ANK2: variants seen among roughly 807,000 people sequenced by gnomAD.
ANK2 encodes ankyrin 2.
Under a neutral mutation model 360.5 loss-of-function variants are expected in ANK2, and 83 were observed. The observed-to-expected ratio is 0.23, with a 90% CI of 0.19 to 0.28. The LOEUF (loss-of-function observed/expected upper bound fraction) is 0.28. Ranked by LOEUF, ANK2 falls within the 10% of genes least tolerant of loss-of-function variation. The pLI, the probability that ANK2 is intolerant of heterozygous loss-of-function variation, is 1.00. For missense variants in ANK2, 4,201 were observed against 4,795.7 expected (o/e 0.88, Z 3.66); for synonymous variants, 1,740 against 1,759.5 (o/e 0.99, Z 0.28).
intron 4 of ANK2, among the ~76,000 whole-genome samples, chr4:113,226,151 T>C (rs1322468476): frequency 2.0e-5 from 3 of 152,320 alleles, no homozygotes; most frequent in East Asian, 3.9e-4. Context: ...TTTCCACTCT[T>C]CTGGACTATA....
the ANK2 span, among the ~76,000 whole-genome samples, chr4:112,770,375 A>G: frequency 6.6e-6 from 1 of 152,164 alleles, no homozygotes; most frequent in Non-Finnish European, 1.5e-5. Flanking sequence ...TTAAATCACC[A>G]TTCACTACCT....
chr4:112,848,035 A>T, intron 1 of ANK2, among the ~76,000 whole-genome samples: 1 of 152,200 alleles, frequency 6.6e-6, no homozygotes, highest in Non-Finnish European at 1.5e-5. Flanking sequence ...CACCTGAAAG[A>T]GCATGCGATT....
In ANK2 at chr4:113,382,565, T is replaced by C. The variant is rs1360571589; in HGVS notation, c.*1094T>C. On this transcript the variant is annotated 3_prime_UTR_variant, in exon 46 of 46. Coordinates refer to ENST00000357077, the MANE Select transcript of ANK2 (RefSeq NM_001148.6). ...GGCCACTGCACTGTAGATAATTCAT[T>C]GGAAACAAGATTTACCCACTACATA... 6.6e-6 allele frequency: 1 copy of C among 152,666 alleles called. No homozygotes were observed. Among genetic ancestry groups the C allele is most frequent in the Admixed American group, 6.5e-5 (1 of 15,284 alleles). The allele number at this position is 152,666 out of a possible 1,614,324, so 9.5% of individuals were successfully genotyped here.
intron 2 of ANK2, among the ~76,000 whole-genome samples, chr4:112,949,504 G>C (rs1314617898): frequency 6.6e-6 from 1 of 152,112 alleles, no homozygotes. Context: ...TGGGGCCTCA[G>C]CTTAAATTCT....
chr4:113,054,346 T>C (rs555231390), intron 1 of ANK2, among the ~76,000 whole-genome samples: 9 of 152,172 alleles, frequency 5.9e-5, no homozygotes, highest in African/African-American at 2.2e-4. Flanking sequence ...CACACATATT[T>C]AATGGCTGTT....
At chr4:113,045,420 A>G (rs1297698091), upstream of ANK2, among the ~76,000 whole-genome samples, 6 of 152,206 alleles carry the variant, frequency 3.9e-5, no homozygotes, top group Non-Finnish European at 5.9e-5. Flanking sequence ...TGATTTAATA[A>G]AAGAACAACA....
the ANK2 span, among the ~76,000 whole-genome samples, chr4:112,712,039 TACAC>T: frequency 2.0e-5 from 3 of 147,758 alleles, no homozygotes; most frequent in Admixed American, 6.8e-5. Flanking sequence ...GTTACATACA[TACAC>T]ACACACACAC....
At chr4:112,712,387 C>CATATAT in the ANK2 span, among the ~76,000 whole-genome samples, 2 of 115,404 alleles carry the variant, frequency 1.7e-5, no homozygotes, top group Middle Eastern at 5.3e-3. Context: ...GCCAAGATGT[C>CATATAT]ATATATATAT....
rs142534126 is a variant in ANK2, at chr4:113,345,961, C to T, written c.4310C>T (p.Thr1437Met). The T allele has an allele frequency of 2.4e-4, 394 of 1,613,516 alleles. 1 individual carries two copies. The highest frequency in any genetic ancestry group is 3.0e-4 in the Non-Finnish European group (356 of 1,179,672). ...TCATTTATGAAGGAGCCAAAATCCACGAGAGGCCTGGTGCATCAAGCTATT... is the reference window on the plus strand; with the variant it reads ...TCATTTATGAAGGAGCCAAAATCCATGAGAGGCCTGGTGCATCAAGCTATT... ...RLSFMKEPKSTRGLVHQAICN... is the reference protein window; with the variant it reads ...RLSFMKEPKSMRGLVHQAICN... The change falls in exon 35 of 46, where the codon ACG (threonine) becomes ATG (methionine). Residue 1437 changes from threonine (T) to methionine (M), a missense_variant. Around this residue, in one of 4 missense-constraint regions of ANK2, gnomAD observed 1,268 missense variants for 1,650.8 expected, o/e 0.77. Transcript: ENST00000357077.
intron 13 of ANK2, among the ~76,000 whole-genome samples, chr4:113,263,187 G>GAAAAAAAA (rs762758720): frequency 1.6e-5 from 1 of 63,626 alleles, no homozygotes; most frequent in East Asian, 4.7e-4. Flanking sequence ...GACTCTGTCT[G>GAAAAAAAA]AAAAAAAAAA....
chr4:113,324,001 G>C (rs1019797011), intron 26 of ANK2, among the ~76,000 whole-genome samples: 1 of 152,138 alleles, frequency 6.6e-6, no homozygotes, highest in South Asian at 2.1e-4. Flanking sequence ...TTTAATTTCA[G>C]TGGAAATAAA....
chr4:112,771,891 G>A, the ANK2 span, among the ~76,000 whole-genome samples: 3 of 152,092 alleles, frequency 2.0e-5, no homozygotes, highest in African/African-American at 4.8e-5. Context: ...GGCCTAAACT[G>A]GGGAAACTTA....
At chr4:113,110,095 T>A (rs531816766) in intron 1 of ANK2, among the ~76,000 whole-genome samples, 1 of 152,246 alleles carries the variant, frequency 6.6e-6, no homozygotes, top group South Asian at 2.1e-4. Context: ...GGGTAATTTA[T>A]AAAGGAAAGG....
At chr4:113,321,190 C>T (rs2086037925) in intron 26 of ANK2, among the ~76,000 whole-genome samples, 1 of 152,134 alleles carries the variant, frequency 6.6e-6, no homozygotes, top group East Asian at 1.9e-4. Flanking sequence ...TTATTGATCC[C>T]ATAGGGGAGC....
intron 1 of ANK2, among the ~76,000 whole-genome samples, chr4:112,829,545 AG>A (rs1285378303): frequency 6.6e-6 from 1 of 150,804 alleles, no homozygotes; most frequent in Admixed American, 6.7e-5. Flanking sequence ...ACTTCTCAAA[AG>A]AAGACACACA....
Position 112,915,769 on chromosome 4 carries a change from T to TAA in ANK2, c.21+11257_21+11258dup, listed in dbSNP as rs1030873684. On this transcript the variant is annotated intron_variant, in intron 2 of 30. Coordinates refer to the ANK2 transcript ENST00000503271. The stretch of plus-strand genomic sequence containing the variant: ...GACTCTGTTTCAAAAAAAAAATAAA[T>TAA]AAATAAATAAATAATAAATACATTT... Among the ~76,000 whole-genome samples the TAA allele has an allele frequency of 5.2e-3, 759 of 147,172 alleles. 6 individuals carry two copies. The highest frequency in any genetic ancestry group is 0.018 in the African/African-American group (697 of 37,716).
chr4:113,256,059 A>G, intron 11 of ANK2, 127 bp downstream of exon 11: 2 of 1,118,298 alleles, frequency 1.8e-6, no homozygotes, highest in South Asian at 1.3e-5. Context: ...TAAATTTGTC[A>G]TCCTTCACAA....
At chr4:113,277,558 C>A (rs2060695783) in intron 15 of ANK2, among the ~76,000 whole-genome samples, 1 of 152,092 alleles carries the variant, frequency 6.6e-6, no homozygotes, top group Non-Finnish European at 1.5e-5. Flanking sequence ...AGTTTACTGA[C>A]ACTAGTGGCT....
chr4:112,943,640 G>A (rs187229855), intron 2 of ANK2, among the ~76,000 whole-genome samples: 3 of 151,946 alleles, frequency 2.0e-5, no homozygotes, highest in South Asian at 2.1e-4. Context: ...TAGCTCTAAC[G>A]CTTCTAATTT....
Sources: allele counts gnomAD v4.1 joint callset (sites outside exome capture counted in the v4.1 genomes callset), GRCh38; gene constraint gnomAD v4.1.1; regional missense constraint gnomAD v4.1.1; transcripts MANE v1.5; gene names NCBI Gene and HGNC (gene_info 2026-07-23, HGNC 2026-07-21).